ARID1B: variants seen among roughly 807,000 people sequenced by gnomAD.
The protein encoded by ARID1B is AT-rich interaction domain 1B.
Under a neutral mutation model 212.3 loss-of-function variants are expected in ARID1B, and 30 were observed. The observed-to-expected ratio is 0.14, with a 90% CI of 0.11 to 0.19. The LOEUF (loss-of-function observed/expected upper bound fraction) is 0.19. Among genes scored for constraint, ARID1B ranks in the 10% least tolerant of loss-of-function variants. The pLI is 1.00. For synonymous variants in ARID1B, 1,402 were observed against 1,301.7 expected (o/e 1.08, Z -1.66); for missense variants, 2,891 against 3,204.0 (o/e 0.90, Z 2.36).
At chr6:157,152,986 G>A (rs1583413002) in intron 8 of ARID1B, among the ~76,000 whole-genome samples, 1 of 152,200 alleles carries the variant, frequency 6.6e-6, no homozygotes, top group Admixed American at 6.5e-5. Flanking sequence ...GTGAGTGAGT[G>A]TGTGTCTGCA....
intron 1 of ARID1B, among the ~76,000 whole-genome samples, chr6:156,797,483 A>G (rs925786787): frequency 6.6e-6 from 1 of 152,210 alleles, no homozygotes; most frequent in Non-Finnish European, 1.5e-5. Flanking sequence ...TAGCATTTCC[A>G]TTGCCCGTGG....
At chr6:157,111,544 G>A (rs1185324630) in intron 6 of ARID1B, among the ~76,000 whole-genome samples, 1 of 152,108 alleles carries the variant, frequency 6.6e-6, no homozygotes, top group African/African-American at 2.4e-5. Flanking sequence ...CAGCTAATAT[G>A]TACTGGGCTC....
intron 4 of ARID1B, among the ~76,000 whole-genome samples, chr6:157,019,293 T>C (rs766307896): frequency 1.8e-4 from 28 of 152,192 alleles, no homozygotes; most frequent in Non-Finnish European, 3.7e-4. Context: ...AGTTAAGGCA[T>C]TGGTAATGGG....
chr6:156,988,644 A>G (rs1360343527), intron 4 of ARID1B, among the ~76,000 whole-genome samples: 1 of 152,214 alleles, frequency 6.6e-6, no homozygotes, highest in Admixed American at 6.5e-5. Context: ...GTCTGAATGC[A>G]TGTGCAAGCT....
At chr6:157,164,987 C>A (rs1410163980) in intron 8 of ARID1B, among the ~76,000 whole-genome samples, 1 of 152,138 alleles carries the variant, frequency 6.6e-6, no homozygotes, top group African/African-American at 2.4e-5. Flanking sequence ...GAGAGCAGTC[C>A]CATCAGGCGC....
At chr6:156,933,497 G>C (rs1409721733) in intron 3 of ARID1B, among the ~76,000 whole-genome samples, 1 of 152,184 alleles carries the variant, frequency 6.6e-6, no homozygotes, top group Admixed American at 6.5e-5. Flanking sequence ...GAAGAAACGT[G>C]GTGTTTGAGG....
chr6:156,995,344 T>G (rs1483697718), intron 4 of ARID1B, among the ~76,000 whole-genome samples: 1 of 152,244 alleles, frequency 6.6e-6, no homozygotes, highest in Non-Finnish European at 1.5e-5. Flanking sequence ...CTGAACCTTA[T>G]TTTTACAAAG....
At chr6:156,924,290 A>G (rs1791047832) in intron 3 of ARID1B, among the ~76,000 whole-genome samples, 1 of 152,226 alleles carries the variant, frequency 6.6e-6, no homozygotes, top group African/African-American at 2.4e-5. Context: ...TTCAAGGATA[A>G]AAGATTCATT....
Position 157,200,625 on chromosome 6 carries a change from A to G in ARID1B, c.4480-80A>G. 6.9e-7 allele frequency: 1 copy of G among 1,454,676 alleles called. No individual in the cohort carries two copies. Among genetic ancestry groups the G allele is most frequent in the Non-Finnish European group, 9.2e-7 (1 of 1,082,664 alleles). The allele number at this position is 1,454,676 out of a possible 1,614,324, so 90.1% of individuals were successfully genotyped here. The stretch of plus-strand genomic sequence containing the variant: ...TTTGAAATGAACATTCTAGCAGGTA[A>G]TAACTATTTTGCATAATTTCAGTGT... On this transcript the variant is annotated intron_variant, in intron 17 of 19. Transcript: ENST00000636930. The surrounding 1 kb of genome is among the most constrained non-coding windows in gnomAD (Gnocchi z 4.3).
chr6:157,077,232 T>C (rs796195557), intron 4 of ARID1B, among the ~76,000 whole-genome samples: 1 of 152,244 alleles, frequency 6.6e-6, no homozygotes, highest in African/African-American at 2.4e-5. Flanking sequence ...AAAAGCACTT[T>C]ACAGATTTAT....
At chr6:156,794,572 T>A (rs1307660573) in intron 1 of ARID1B, among the ~76,000 whole-genome samples, 12 of 20,516 alleles carry the variant, frequency 5.8e-4, no homozygotes, top group South Asian at 1.4e-3. Flanking sequence ...GGCACATTCT[T>A]TTTTTTTTTT....
chr6:156,841,067 G>T (rs1472546973), intron 2 of ARID1B, among the ~76,000 whole-genome samples: 1 of 152,206 alleles, frequency 6.6e-6, no homozygotes, highest in East Asian at 1.9e-4. Flanking sequence ...TTAGGGATTT[G>T]CTGCTGGAGG....
At chr6:157,168,828 T>A (rs564564081) in intron 9 of ARID1B, 1 of 152,242 alleles carries the variant, frequency 6.6e-6, no homozygotes, top group African/African-American at 2.4e-5. Context: ...ATCTTTTGTA[T>A]GGGGTGGTAG....
intron 1 of ARID1B, among the ~76,000 whole-genome samples, chr6:156,783,266 T>C (rs1210906932): frequency 6.6e-6 from 1 of 152,072 alleles, no homozygotes; most frequent in Non-Finnish European, 1.5e-5. Flanking sequence ...TTTACTAATA[T>C]ACTTAACCTC....
intron 4 of ARID1B, among the ~76,000 whole-genome samples, chr6:157,013,274 C>T (rs1008518949): frequency 2.0e-4 from 30 of 152,354 alleles, no homozygotes; most frequent in African/African-American, 6.7e-4. Context: ...CTTCAAAGCT[C>T]AGTCCCAACC....
At chr6:156,793,325 T>G (rs989268616) in intron 1 of ARID1B, among the ~76,000 whole-genome samples, 1 of 152,030 alleles carries the variant, frequency 6.6e-6, no homozygotes, top group African/African-American at 2.4e-5. Context: ...TGTCCGTGAG[T>G]CAGCAGCTGA....
chr6:156,989,511 A>T (rs1005037136), intron 4 of ARID1B, among the ~76,000 whole-genome samples: 1 of 152,256 alleles, frequency 6.6e-6, no homozygotes, highest in African/African-American at 2.4e-5. Context: ...TTTTACTCAA[A>T]GGTAGATAGT....
At chr6:157,193,600 C>T (rs1583487124) in intron 15 of ARID1B, 1 of 152,170 alleles carries the variant, frequency 6.6e-6, no homozygotes, top group Non-Finnish European at 1.5e-5. Context: ...TGATGTCATC[C>T]CCAGGCTCTA....
At chr6:156,887,697 T>C (rs1259112853) in intron 2 of ARID1B, among the ~76,000 whole-genome samples, 2 of 151,852 alleles carry the variant, frequency 1.3e-5, no homozygotes, top group Non-Finnish European at 2.9e-5. Flanking sequence ...CCTCAGAGAG[T>C]GGGCTTTTGA....
Sources: gnomAD v4.1 joint callset for allele counts (sites outside exome capture counted in the v4.1 genomes callset) on GRCh38, gnomAD v4.1.1 for gene constraint, Gnocchi (gnomAD v3.1) non-coding constraint, MANE v1.5 for transcripts, NCBI Gene and HGNC (gene_info 2026-07-23, HGNC 2026-07-21) for gene names.